TACR1: variants seen among roughly 807,000 people sequenced by gnomAD.
The protein encoded by TACR1 is substance-P receptor.
In TACR1, 25 loss-of-function variants were observed where a neutral mutation model predicts 35.8. The observed-to-expected ratio is 0.70, with a 90% CI of 0.51 to 0.98. TACR1 has a LOEUF of 0.98. Ranked by LOEUF, TACR1 falls within the 50% of genes least tolerant of loss-of-function variation. The pLI is 0.00. For missense variants in TACR1, 478 were observed against 522.9 expected, an observed-to-expected ratio of 0.91 and a Z score of 0.84; for synonymous variants, 195 against 206.7, an observed-to-expected ratio of 0.94 and a Z score of 0.48.
chr2:75,071,969 G>A (rs898674078), intron 2 of TACR1, among the ~76,000 whole-genome samples: 2 of 152,160 alleles, frequency 1.3e-5, no homozygotes, highest in African/African-American at 4.8e-5. Flanking sequence ...GGAACTGAAG[G>A]AGTACGTACG....
At chr2:75,148,331 C>T (rs1029672611) in intron 1 of TACR1, among the ~76,000 whole-genome samples, 6 of 152,178 alleles carry the variant, frequency 3.9e-5, no homozygotes, top group Non-Finnish European at 7.3e-5. Flanking sequence ...TTTACATTCC[C>T]ACCAACAATG....
chr2:75,058,578 G>T (rs1672614962), intron 2 of TACR1, among the ~76,000 whole-genome samples: 1 of 152,178 alleles, frequency 6.6e-6, no homozygotes, highest in Non-Finnish European at 1.5e-5. Context: ...ATATGTGCTG[G>T]GTTGTCATAG....
intron 1 of TACR1, chr2:75,154,512 A>G (rs1674789410): frequency 1.4e-5 from 2 of 143,764 alleles, no homozygotes; most frequent in Non-Finnish European, 1.5e-5. Flanking sequence ...ACACACACAC[A>G]CACACACACA....
chr2:75,137,360 G>A (rs918600303), intron 1 of TACR1, among the ~76,000 whole-genome samples: 18 of 152,094 alleles, frequency 1.2e-4, no homozygotes, highest in Admixed American at 9.2e-4. Flanking sequence ...AGACATATAG[G>A]TAGAGTGGTC....
chr2:75,068,009 G>T (rs1672800828), intron 2 of TACR1, among the ~76,000 whole-genome samples: 2 of 152,174 alleles, frequency 1.3e-5, no homozygotes, highest in Admixed American at 6.5e-5. Flanking sequence ...CTTTCATCTG[G>T]GCAAGATATA....
At chr2:75,137,223 C>T (rs1674310513) in intron 1 of TACR1, among the ~76,000 whole-genome samples, 1 of 152,106 alleles carries the variant, frequency 6.6e-6, no homozygotes, top group Non-Finnish European at 1.5e-5. Flanking sequence ...ACAACACATT[C>T]CAGGTCTTTA....
chr2:75,164,156 T>A (rs1215462977), intron 1 of TACR1, among the ~76,000 whole-genome samples: 1 of 151,486 alleles, frequency 6.6e-6, no homozygotes, highest in Non-Finnish European at 1.5e-5. Context: ...TGAAACCCCG[T>A]CTCTACTAAA....
At chr2:75,150,383 G>C (rs1674643406) in intron 1 of TACR1, among the ~76,000 whole-genome samples, 1 of 152,178 alleles carries the variant, frequency 6.6e-6, no homozygotes, top group African/African-American at 2.4e-5. Flanking sequence ...TCCATATGTT[G>C]GGAGGGACCC....
intron 1 of TACR1, among the ~76,000 whole-genome samples, chr2:75,148,909 G>A (rs998642031): frequency 6.6e-6 from 1 of 152,162 alleles, no homozygotes; most frequent in Non-Finnish European, 1.5e-5. Flanking sequence ...TAAGGTGTAA[G>A]GAAGGGGTCC....
intron 2 of TACR1, among the ~76,000 whole-genome samples, chr2:75,082,652 G>A (rs1460842409): frequency 1.3e-5 from 2 of 152,196 alleles, no homozygotes; most frequent in African/African-American, 4.8e-5. Context: ...TTGTGGTTTT[G>A]ATTTGCATTT....
intron 2 of TACR1, among the ~76,000 whole-genome samples, chr2:75,054,443 A>G (rs1033908581): frequency 6.6e-6 from 1 of 152,214 alleles, no homozygotes; most frequent in African/African-American, 2.4e-5. Flanking sequence ...ATATATCTTC[A>G]GATAGAAGCT....
At chr2:75,141,377 C>G (rs1376673018) in intron 1 of TACR1, among the ~76,000 whole-genome samples, 8 of 152,150 alleles carry the variant, frequency 5.3e-5, no homozygotes, top group African/African-American at 1.9e-4. Context: ...AATGAAACCG[C>G]TTTACAACAC....
chr2:75,183,874 G>A (rs1194857589), intron 1 of TACR1, among the ~76,000 whole-genome samples: 2 of 152,158 alleles, frequency 1.3e-5, no homozygotes, highest in African/African-American at 2.4e-5. Context: ...CAAAAGTCCT[G>A]TGCTACTGCA....
At chr2:75,089,334 T>C (rs1319364752) in intron 2 of TACR1, among the ~76,000 whole-genome samples, 1 of 152,214 alleles carries the variant, frequency 6.6e-6, no homozygotes, top group African/African-American at 2.4e-5. Context: ...GCCCCTGCCC[T>C]CACCTCCTCC....
intron 1 of TACR1, among the ~76,000 whole-genome samples, chr2:75,122,153 C>T (rs1334630359): frequency 6.6e-6 from 1 of 152,092 alleles, no homozygotes; most frequent in African/African-American, 2.4e-5. Context: ...GATAAGTGAC[C>T]TCAAGTGGTA....
chr2:75,119,059 G>A (rs1003903119), intron 2 of TACR1: 1 of 152,200 alleles, frequency 6.6e-6, no homozygotes, highest in Non-Finnish European at 1.5e-5. Flanking sequence ...ATTGCTTTCT[G>A]GCAAGCTACA....
chr2:75,062,059 T>A (rs1377665793), intron 2 of TACR1, among the ~76,000 whole-genome samples: 1 of 152,218 alleles, frequency 6.6e-6, no homozygotes, highest in Non-Finnish European at 1.5e-5. Context: ...AAATATCATC[T>A]TGGGTTTCAA....
Position 75,154,505 on chromosome 2 carries a change from C to CACACACACACACACACACACACACAG in TACR1, c.390-33738_390-33737insCTGTGTGTGTGTGTGTGTGTGTGTGT, listed in dbSNP as rs1553381000. On this transcript the variant is annotated intron_variant, in intron 1 of 4. Coordinates refer to ENST00000305249, the MANE Select transcript of TACR1 (RefSeq NM_001058.4). The stretch of plus-strand genomic sequence containing the variant: ...CTAACCCACCACACACACACACACA[C>CACACACACACACACACACACACACAG]ACACACACACACACACACACACTCT... 6.9e-4 allele frequency: 91 copies of CACACACACACACACACACACACACAG among 131,374 alleles called. 3 individuals are homozygous for CACACACACACACACACACACACACAG. The highest frequency in any genetic ancestry group is 2.7e-3 in the African/African-American group (85 of 31,084). The allele number at this position is 131,374 out of a possible 1,614,324, so 8.1% of individuals were successfully genotyped here. A position where few individuals can be genotyped will look rare whatever the true frequency, so the allele number is the denominator to read the frequency against.
intron 1 of TACR1, among the ~76,000 whole-genome samples, chr2:75,157,681 A>G (rs190765510): frequency 1.3e-5 from 2 of 152,050 alleles, no homozygotes; most frequent in Non-Finnish European, 2.9e-5. Context: ...CTGTTCCTCT[A>G]TAAAAAAGAA....
Sources: gnomAD v4.1 joint callset for allele counts (sites outside exome capture counted in the v4.1 genomes callset) on GRCh38, gnomAD v4.1.1 for gene constraint, MANE v1.5 for transcripts, NCBI Gene and HGNC (gene_info 2026-07-23, HGNC 2026-07-21) for gene names.